The following USP15 variants were observed in gnomAD, a reference collection of about 807,000 sequenced individuals.
USP15 encodes ubiquitin carboxyl-terminal hydrolase 15.
In USP15, 18 loss-of-function variants were observed where a neutral mutation model predicts 127.1. That is an observed-to-expected ratio of 0.14 (90% CI 0.10 to 0.21). USP15 has a LOEUF of 0.21. USP15 is among the 10% of genes least tolerant of loss of function. The probability of loss-of-function intolerance (pLI) is 1.00; values close to 1 mark genes in which losing one functional copy is unlikely to be tolerated. For missense variants in USP15, 805 were observed against 1,159.9 expected, an observed-to-expected ratio of 0.69 and a Z score of 4.44; for synonymous variants, 364 against 393.7, an observed-to-expected ratio of 0.92 and a Z score of 0.89.
At chr12:62,348,202 T>C (rs1400356606) in intron 6 of USP15, among the ~76,000 whole-genome samples, 1 of 152,220 alleles carries the variant, frequency 6.6e-6, no homozygotes, top group Non-Finnish European at 1.5e-5. Flanking sequence ...AACGAAACCC[T>C]GTCTCTAAAA....
chr12:62,362,083 C>T (rs894885795), intron 8 of USP15, among the ~76,000 whole-genome samples: 1 of 152,036 alleles, frequency 6.6e-6, no homozygotes, highest in African/African-American at 2.4e-5. Context: ...GCATAAGAAT[C>T]TCTATTCCAC....
chr12:62,260,559 C>A, intron 1 of USP15, 56 bp downstream of exon 1: 1 of 1,483,206 alleles, frequency 6.7e-7, no homozygotes, highest in Non-Finnish European at 9.1e-7. Context: ...GAGAAGTGGG[C>A]GGGAGCCGCG....
intron 1 of USP15, among the ~76,000 whole-genome samples, chr12:62,265,436 A>T (rs1209615029): frequency 6.6e-6 from 1 of 152,254 alleles, no homozygotes; most frequent in Non-Finnish European, 1.5e-5. Flanking sequence ...AATAGGAATC[A>T]TAGGCTCAAA....
At chr12:62,283,539 A>G (rs943642617) in intron 1 of USP15, among the ~76,000 whole-genome samples, 1 of 152,210 alleles carries the variant, frequency 6.6e-6, no homozygotes, top group Non-Finnish European at 1.5e-5. Context: ...ATGATTAAAC[A>G]CATTATTTGC....
At chr12:62,307,977 CTATTT>C (rs1225444982) in intron 3 of USP15, among the ~76,000 whole-genome samples, 1 of 151,978 alleles carries the variant, frequency 6.6e-6, no homozygotes, top group African/African-American at 2.4e-5. Context: ...TCTAATTGTT[CTATTT>C]TATTATTAGC....
intron 8 of USP15, among the ~76,000 whole-genome samples, chr12:62,361,552 GACT>G (rs1278750451): frequency 6.6e-6 from 1 of 151,908 alleles, no homozygotes; most frequent in Non-Finnish European, 1.5e-5. Flanking sequence ...GTATTGTAGT[GACT>G]ACATCTTATA....
At chr12:62,371,959 A>C (rs1270175305) in intron 8 of USP15, among the ~76,000 whole-genome samples, 2 of 152,128 alleles carry the variant, frequency 1.3e-5, no homozygotes, top group African/African-American at 2.4e-5. Context: ...CTAAAACAGG[A>C]GATAACGCTT....
intron 1 of USP15, among the ~76,000 whole-genome samples, chr12:62,273,690 A>G (rs1303093185): frequency 6.6e-6 from 1 of 152,032 alleles, no homozygotes; most frequent in Non-Finnish European, 1.5e-5. Context: ...TTTCTAGGAA[A>G]CTTCTTCAGA....
chr12:62,385,361 A>G (rs962578560), intron 11 of USP15, among the ~76,000 whole-genome samples: 2 of 151,926 alleles, frequency 1.3e-5, no homozygotes, highest in African/African-American at 4.8e-5. Context: ...GCTATATTTG[A>G]ACAAAATTAT....
chr12:62,333,875 G>A (rs893768805), intron 6 of USP15, among the ~76,000 whole-genome samples: 5 of 152,054 alleles, frequency 3.3e-5, no homozygotes, highest in African/African-American at 1.2e-4. Flanking sequence ...ACCTTAAAGA[G>A]CATCCTGAGG....
chr12:62,380,122 C>T (rs1443433129), intron 8 of USP15, among the ~76,000 whole-genome samples: 1 of 151,860 alleles, frequency 6.6e-6, no homozygotes, highest in African/African-American at 2.4e-5. Context: ...TTATTATTTT[C>T]GTTGCCTAAG....
At chr12:62,341,413 C>T (rs1565870355) in intron 6 of USP15, among the ~76,000 whole-genome samples, 1 of 152,158 alleles carries the variant, frequency 6.6e-6, no homozygotes, top group Non-Finnish European at 1.5e-5. Context: ...GAATTTGATC[C>T]AGTCATCATG....
At chr12:62,395,896 T>C (rs1250836765) in intron 19 of USP15, among the ~76,000 whole-genome samples, 1 of 152,044 alleles carries the variant, frequency 6.6e-6, no homozygotes, top group Non-Finnish European at 1.5e-5. Context: ...CATTTATCTG[T>C]TGATAGACAC....
chr12:62,386,397 G>C (rs557951888), intron 11 of USP15, among the ~76,000 whole-genome samples: 1 of 152,052 alleles, frequency 6.6e-6, no homozygotes, highest in East Asian at 1.9e-4. Context: ...TGTGCAAGGT[G>C]CTAGAAATAT....
At chr12:62,359,931 T>C (rs2066262193) in intron 8 of USP15, among the ~76,000 whole-genome samples, 1 of 152,142 alleles carries the variant, frequency 6.6e-6, no homozygotes. Context: ...TAAGATAGTT[T>C]TCTAGTTCCC....
rs1163091790 is a variant in USP15 at position 62,298,830 on chromosome 12, CAAAAAAAAAAA to C, written c.218-3947_218-3937del. ...GGTGACAGAGTAAGACCCTGTCTTG[CAAAAAAAAAAA>C]AAAAAAAAAAAAGAATGAGTGAAAT... On this transcript the variant is annotated intron_variant, in intron 2 of 21. Transcript: ENST00000280377. Among the ~76,000 whole-genome samples the C allele has an allele frequency of 4.8e-4, 31 of 65,044 alleles. No individual in the cohort carries two copies. The South Asian group carries it at 0.016, about 34-fold the overall frequency. 42.7% of individuals were successfully genotyped at this position (65,044 alleles called of 152,430 possible).
intron 8 of USP15, among the ~76,000 whole-genome samples, chr12:62,378,561 T>C (rs958707880): frequency 2.3e-4 from 35 of 152,170 alleles, no homozygotes; most frequent in African/African-American, 8.0e-4. Flanking sequence ...TTTGTTAACA[T>C]TGAATTATAA....
chr12:62,348,731 T>C (rs563175948), intron 6 of USP15, among the ~76,000 whole-genome samples: 8 of 152,150 alleles, frequency 5.3e-5, no homozygotes, highest in African/African-American at 1.4e-4. Flanking sequence ...TGGCCAAATA[T>C]AGCATATTGG....
intron 11 of USP15, 25 bp downstream of exon 11, chr12:62,384,327 GTTTTT>G (rs58138194): frequency 3.9e-3 from 4,133 of 1,050,296 alleles, no homozygotes; most frequent in Middle Eastern, 5.9e-3. Context: ...GGTTTGTTTT[GTTTTT>G]TTTTTTTTTT....
Sources: gnomAD v4.1 joint callset for allele counts (sites outside exome capture counted in the v4.1 genomes callset) on GRCh38, gnomAD v4.1.1 for gene constraint, MANE v1.5 for transcripts, NCBI Gene and HGNC (gene_info 2026-07-23, HGNC 2026-07-21) for gene names.